The following VPS13D variants were observed in gnomAD, a reference collection of about 807,000 sequenced individuals.
VPS13D encodes the protein intermembrane lipid transfer protein VPS13D.
VPS13D carries 187 observed loss-of-function variants against 461.9 expected under a neutral mutation model. That is an observed-to-expected ratio of 0.40 (90% CI 0.36 to 0.46). The LOEUF (loss-of-function observed/expected upper bound fraction) is 0.46. VPS13D is among the 20% of genes least tolerant of loss of function. The pLI, the probability that VPS13D is intolerant of heterozygous loss-of-function variation, is 0.60. For missense variants in VPS13D, 4,711 were observed against 5,364.9 expected (o/e 0.88, Z 3.81); for synonymous variants, 1,951 against 1,986.3 (o/e 0.98, Z 0.47).
intron 58 of VPS13D, 46 bp downstream of exon 58, chr1:12,383,201 C>A: frequency 6.5e-7 from 1 of 1,544,380 alleles, no homozygotes; most frequent in Non-Finnish European, 8.8e-7. Context: ...GTACTTCCTC[C>A]ACCCCCAATG....
intron 25 of VPS13D, among the ~76,000 whole-genome samples, chr1:12,302,867 G>A (rs1466257597): frequency 2.4e-5 from 3 of 127,322 alleles, no homozygotes; most frequent in East Asian, 4.3e-4. Flanking sequence ...TCACTAGTAC[G>A]TTCTTGGTGA....
intron 67 of VPS13D, among the ~76,000 whole-genome samples, chr1:12,474,391 C>T (rs1645602664): frequency 6.6e-6 from 1 of 152,096 alleles, no homozygotes; most frequent in South Asian, 2.1e-4. Flanking sequence ...GATTCCTTTT[C>T]AGTGGGGCTC....
intron 6 of VPS13D, 79 bp from the exon 7 acceptor site, chr1:12,253,643 T>C: frequency 8.7e-7 from 1 of 1,145,400 alleles, no homozygotes; most frequent in South Asian, 1.3e-5. Context: ...CATGATTCTT[T>C]ACAAATGGTT....
chr1:12,486,027 C>T (rs1267088707), intron 67 of VPS13D, among the ~76,000 whole-genome samples: 1 of 152,186 alleles, frequency 6.6e-6, no homozygotes, highest in Non-Finnish European at 1.5e-5. Context: ...CTCATGCCTG[C>T]TGTGGCTTTA....
At chr1:12,395,214 G>C (rs1644479377) in intron 60 of VPS13D, among the ~76,000 whole-genome samples, 1 of 152,184 alleles carries the variant, frequency 6.6e-6, no homozygotes, top group Non-Finnish European at 1.5e-5. Flanking sequence ...AAGGTGGAAA[G>C]CTGATGACAG....
chr1:12,399,686 G>A (rs896575346), intron 60 of VPS13D, among the ~76,000 whole-genome samples: 6 of 150,532 alleles, frequency 4.0e-5, no homozygotes, highest in Non-Finnish European at 7.4e-5. Flanking sequence ...GGGCATAGTG[G>A]TGCATGCCTG....
At chr1:12,269,632 G>T (rs1027716264) in intron 16 of VPS13D, among the ~76,000 whole-genome samples, 3 of 152,202 alleles carry the variant, frequency 2.0e-5, no homozygotes, top group African/African-American at 7.2e-5. Context: ...TGTAATCACT[G>T]ATTTATTTAT....
At chr1:12,345,641 TCATAGG>T in intron 43 of VPS13D, 132 bp downstream of exon 43, 1 of 1,250,338 alleles carries the variant, frequency 8.0e-7, no homozygotes, top group South Asian at 1.9e-5. Context: ...ACTGGGTCAG[TCATAGG>T]CATTGGTAAT....
At chr1:12,381,922 T>TTTTC (rs35247625) in intron 57 of VPS13D, among the ~76,000 whole-genome samples, 4,677 of 101,038 alleles carry the variant, frequency 0.046, 189 homozygotes, top group East Asian at 0.093. Flanking sequence ...CTTTCTTTTC[T>TTTTC]TTTCTTTCTT....
Position 12,304,620 on chromosome 1 carries a change from G to C in VPS13D, c.6331G>C (p.Ala2111Pro). Residue 2111 changes from alanine to proline, a missense_variant, in exon 26 of 70, where the codon GCT becomes CCT. Ala to Pro is a conservative substitution (Grantham distance 27). This residue lies in a region of VPS13D where 4,411 missense variants were observed against 4,937.8 expected (regional missense o/e 0.89). Coordinates refer to ENST00000620676, the MANE Select transcript of VPS13D (RefSeq NM_015378.4). Reference protein sequence around the residue: ...HSQGQFTMPLAGMSLGSLKSE... With the variant: ...HSQGQFTMPLPGMSLGSLKSE... The stretch of plus-strand genomic sequence containing the variant: ...CCAGGGGCAGTTCACGATGCCTCTT[G>C]CTGGAATGAGCCTAGGAAGCCTGAA... 2 of 1,614,116 alleles carry C rather than the reference G, an allele frequency of 1.2e-6. No individual in the cohort carries two copies. Among genetic ancestry groups the C allele is most frequent in the Non-Finnish European group, 1.7e-6 (2 of 1,180,024 alleles).
chr1:12,437,906 C>T (rs1645081807), intron 65 of VPS13D, among the ~76,000 whole-genome samples: 1 of 152,032 alleles, frequency 6.6e-6, no homozygotes, highest in Non-Finnish European at 1.5e-5. Flanking sequence ...CAGGCTGGGC[C>T]CTTTGACTCC....
intron 14 of VPS13D, 42 bp from the exon 15 acceptor site, chr1:12,267,803 C>T (rs1460787901): frequency 6.3e-7 from 1 of 1,582,808 alleles, no homozygotes; most frequent in East Asian, 2.2e-5. Flanking sequence ...ATTGTCCCCT[C>T]TCACGCTGAC....
intron 65 of VPS13D, among the ~76,000 whole-genome samples, chr1:12,422,912 A>T (rs1644881162): frequency 6.7e-6 from 1 of 149,428 alleles, no homozygotes; most frequent in Admixed American, 6.7e-5. Context: ...TCTTCTAGGC[A>T]CTGCAGAGAA....
Position 12,268,759 on chromosome 1 carries a change from C to T in VPS13D, c.1855C>T (p.His619Tyr), listed in dbSNP as rs780046905. The change falls in exon 16 of 70, where the codon CAC becomes TAC. Residue 619 changes from histidine to tyrosine, a missense_variant. By Grantham distance (83) the His-to-Tyr change is moderately conservative. Coordinates refer to ENST00000620676, the MANE Select transcript of VPS13D (RefSeq NM_015378.4). ...FEMLYERNPA[H>Y]SHFERRLNVS... ...GATGCTGTATGAGAGAAATCCGGCG[C>T]ACAGCCACTTTGAGAGGCGGCTCAA... 3.7e-6 allele frequency: 6 copies of T among 1,613,998 alleles called. No individual in the cohort carries two copies. In the South Asian group the frequency reaches 5.5e-5, roughly 15 times the overall value.
chr1:12,251,621 CA>C (rs1640734746), intron 6 of VPS13D, among the ~76,000 whole-genome samples: 1 of 152,160 alleles, frequency 6.6e-6, no homozygotes, highest in African/African-American at 2.4e-5. Context: ...AACTTGATCC[CA>C]TACACTGGCT....
intron 1 of VPS13D, among the ~76,000 whole-genome samples, chr1:12,230,884 G>A (rs1044526837): frequency 2.1e-4 from 32 of 152,156 alleles, no homozygotes; most frequent in African/African-American, 7.2e-4. Context: ...GTCCCCTGGA[G>A]GGGGCTGAGG....
chr1:12,457,560 G>C (rs539454928), intron 66 of VPS13D, among the ~76,000 whole-genome samples: 1 of 152,274 alleles, frequency 6.6e-6, no homozygotes, highest in Admixed American at 6.5e-5. Context: ...TAAACTCTTT[G>C]TACCAGATCC....
intron 22 of VPS13D, among the ~76,000 whole-genome samples, chr1:12,288,598 T>C (rs1395502993): frequency 6.6e-6 from 1 of 151,690 alleles, no homozygotes. Context: ...GGAGCCCTGG[T>C]GTCTATCTGT....
chr1:12,424,794 G>A (rs1644903870), intron 65 of VPS13D, among the ~76,000 whole-genome samples: 1 of 151,928 alleles, frequency 6.6e-6, no homozygotes, highest in African/African-American at 2.4e-5. Flanking sequence ...TTTTTTTAAG[G>A]CCTGAACATG....
Sources: allele counts gnomAD v4.1 joint callset (sites outside exome capture counted in the v4.1 genomes callset), GRCh38; gene constraint gnomAD v4.1.1; regional missense constraint gnomAD v4.1.1; transcripts MANE v1.5; gene names NCBI Gene and HGNC (gene_info 2026-07-23, HGNC 2026-07-21).